Variants in PCED1B observed in about 807,000 individuals in gnomAD.
PCED1B encodes the protein PC-esterase domain-containing protein 1B.
For synonymous variants in PCED1B, 251 were observed against 246.1 expected (o/e 1.02, Z -0.19); for missense variants, 573 against 573.9 (o/e 1.00, Z 0.02).
chr12:47,223,373 T>A (rs1192246671), intron 3 of PCED1B: 1 of 151,700 alleles, frequency 6.6e-6, no homozygotes, highest in Non-Finnish European at 1.5e-5. Flanking sequence ...CAGAGCCAAA[T>A]TAAAGTAAAC....
At chr12:47,111,208 C>A (rs1939180300) in intron 2 of PCED1B, among the ~76,000 whole-genome samples, 1 of 152,222 alleles carries the variant, frequency 6.6e-6, no homozygotes, top group South Asian at 2.1e-4. Flanking sequence ...ACATAAAGAT[C>A]AGAACAACAT....
rs1941174103 is a variant in PCED1B at position 47,155,769 on chromosome 12, T to G, written c.-526+51574T>G. On this transcript the variant is annotated intron_variant, in intron 2 of 3. Coordinates refer to ENST00000546455, the MANE Select transcript of PCED1B (RefSeq NM_138371.3). ...CTTCGGTTACTCTACGGAATTGCTC[T>G]TTTTGAAGAAGCTGCCTGATTTGGG... Among the ~76,000 whole-genome samples, 3 of 152,324 alleles carry G rather than the reference T, an allele frequency of 2.0e-5. No individual in the cohort carries two copies. In the South Asian group the frequency reaches 6.2e-4, roughly 32 times the overall value.
chr12:47,160,972 G>A (rs571182573), intron 2 of PCED1B, among the ~76,000 whole-genome samples: 1 of 152,270 alleles, frequency 6.6e-6, no homozygotes, highest in East Asian at 1.9e-4. Context: ...TTGTTATAAA[G>A]CCAGAATGCC....
intron 1 of PCED1B, among the ~76,000 whole-genome samples, chr12:47,084,022 G>C (rs912456414): frequency 6.6e-6 from 1 of 152,100 alleles, no homozygotes; most frequent in African/African-American, 2.4e-5. Context: ...ACAATACTGT[G>C]CAACCATCAC....
At chr12:47,233,459 A>T (rs1359120617) in intron 3 of PCED1B, among the ~76,000 whole-genome samples, 1 of 152,226 alleles carries the variant, frequency 6.6e-6, no homozygotes, top group East Asian at 1.9e-4. Flanking sequence ...GCAGGCAGGG[A>T]GTGCACCGGA....
At chr12:47,163,101 CTTTTAGCAATG>C (rs1592223082) in intron 2 of PCED1B, among the ~76,000 whole-genome samples, 1 of 152,214 alleles carries the variant, frequency 6.6e-6, no homozygotes, top group East Asian at 1.9e-4. Context: ...TCTTTAATTT[CTTTTAGCAATG>C]TTTTGTAGTT....
intron 2 of PCED1B, among the ~76,000 whole-genome samples, chr12:47,198,094 A>G (rs929811343): frequency 1.1e-4 from 16 of 152,218 alleles, no homozygotes; most frequent in African/African-American, 3.9e-4. Context: ...GTTAAAAGAA[A>G]GGAAAACTAC....
intron 3 of PCED1B, among the ~76,000 whole-genome samples, chr12:47,230,261 CTTTTAGT>C (rs900278202): frequency 6.7e-6 from 1 of 148,386 alleles, no homozygotes; most frequent in Non-Finnish European, 1.5e-5. Flanking sequence ...ATTTTTTGTA[CTTTTAGT>C]AGAGACGGGG....
chr12:47,107,725 G>A (rs1939018554), intron 2 of PCED1B, among the ~76,000 whole-genome samples: 1 of 152,174 alleles, frequency 6.6e-6, no homozygotes, highest in Non-Finnish European at 1.5e-5. Flanking sequence ...TCAGGCTCAG[G>A]TGCAGGTGTC....
intron 2 of PCED1B, among the ~76,000 whole-genome samples, chr12:47,214,920 G>A (rs920071364): frequency 2.6e-5 from 4 of 151,888 alleles, no homozygotes; most frequent in Admixed American, 6.6e-5. Context: ...ATGGAGTCTC[G>A]CTGTTGCCCA....
At chr12:47,175,852 G>A (rs573869116) in intron 2 of PCED1B, among the ~76,000 whole-genome samples, 11 of 151,788 alleles carry the variant, frequency 7.2e-5, no homozygotes, top group South Asian at 4.2e-4. Context: ...GTTTACAGGC[G>A]TGAGTCACTG....
chr12:47,115,085 T>G (rs1423975969), intron 2 of PCED1B, among the ~76,000 whole-genome samples: 3 of 152,186 alleles, frequency 2.0e-5, no homozygotes, highest in Non-Finnish European at 1.5e-5. Context: ...AAAAGGTATA[T>G]AATAAAGCCT....
chr12:47,231,593 G>A (rs1460689644), intron 3 of PCED1B, among the ~76,000 whole-genome samples: 1 of 152,082 alleles, frequency 6.6e-6, no homozygotes, highest in Non-Finnish European at 1.5e-5. Flanking sequence ...TTCTGCCACC[G>A]CTGCTTCACA....
intron 2 of PCED1B, among the ~76,000 whole-genome samples, chr12:47,187,385 T>C (rs1203126588): frequency 6.6e-6 from 1 of 152,164 alleles, no homozygotes; most frequent in Non-Finnish European, 1.5e-5. Context: ...TGAAATGATC[T>C]GGTACTGATG....
At chr12:47,158,744 C>T (rs1941275919) in intron 2 of PCED1B, among the ~76,000 whole-genome samples, 1 of 152,116 alleles carries the variant, frequency 6.6e-6, no homozygotes, top group African/African-American at 2.4e-5. Flanking sequence ...GTGTCCATCA[C>T]CTCAAGTATT....
intron 2 of PCED1B, among the ~76,000 whole-genome samples, chr12:47,172,061 A>G (rs553052891): frequency 2.2e-4 from 33 of 152,216 alleles, no homozygotes; most frequent in Non-Finnish European, 3.7e-4. Context: ...GACCTTGGTA[A>G]TACATTTCCA....
At chr12:47,152,234 GA>G (rs921704818) in intron 2 of PCED1B, among the ~76,000 whole-genome samples, 7 of 152,056 alleles carry the variant, frequency 4.6e-5, no homozygotes, top group African/African-American at 1.7e-4. Context: ...TTACAACAGG[GA>G]AAAAATCATA....
At chr12:47,217,470 G>GAGAAAGA (rs1555155046) in intron 3 of PCED1B, among the ~76,000 whole-genome samples, 1 of 90,870 alleles carries the variant, frequency 1.1e-5, no homozygotes, top group Non-Finnish European at 2.1e-5. Flanking sequence ...AAGAAAGAAA[G>GAGAAAGA]AGAAAGAAAG....
intron 1 of PCED1B, among the ~76,000 whole-genome samples, chr12:47,080,870 C>T (rs184758340): frequency 1.3e-5 from 2 of 152,086 alleles, no homozygotes; most frequent in Non-Finnish European, 2.9e-5. Flanking sequence ...CTGTCCCCGC[C>T]ACCTCCCCGT....
Sources: gnomAD v4.1 joint callset for allele counts (sites outside exome capture counted in the v4.1 genomes callset) on GRCh38, gnomAD v4.1.1 for gene constraint, MANE v1.5 for transcripts, NCBI Gene and HGNC (gene_info 2026-07-23, HGNC 2026-07-21) for gene names.